IMPG1: variants seen among roughly 807,000 people sequenced by gnomAD.
IMPG1 encodes the protein interphotoreceptor matrix proteoglycan 1.
IMPG1 carries 85 observed loss-of-function variants against 92.0 expected under a neutral mutation model. That is an observed-to-expected ratio of 0.92 (90% CI 0.78 to 1.11). The LOEUF (loss-of-function observed/expected upper bound fraction) is 1.11, where lower values mean the gene tolerates loss of function less well. Ranked by LOEUF, IMPG1 falls within the 50% of genes least tolerant of loss-of-function variation. IMPG1 has a pLI of 0.00. For synonymous variants in IMPG1, 367 were observed against 334.1 expected (o/e 1.10, Z -1.08); for missense variants, 1,022 against 956.0 (o/e 1.07, Z -0.91).
intron 7 of IMPG1, among the ~76,000 whole-genome samples, chr6:76,011,823 A>G (rs990799748): frequency 7.0e-6 from 1 of 142,658 alleles, no homozygotes; most frequent in Admixed American, 7.6e-5. Context: ...CCTATGAGTG[A>G]GAATATGCGG....
chr6:75,967,385 T>C (rs956226642), intron 12 of IMPG1, among the ~76,000 whole-genome samples: 2 of 152,098 alleles, frequency 1.3e-5, no homozygotes, highest in African/African-American at 4.8e-5. Context: ...ATTAGCATTC[T>C]TATAAAAGAG....
intron 7 of IMPG1, among the ~76,000 whole-genome samples, chr6:76,014,995 AC>A (rs1359502762): frequency 6.6e-6 from 1 of 152,222 alleles, no homozygotes; most frequent in Non-Finnish European, 1.5e-5. Context: ...TGGAGCACTA[AC>A]CACTAAATTG....
intron 15 of IMPG1, among the ~76,000 whole-genome samples, chr6:75,924,764 T>G (rs1249118410): frequency 9.9e-6 from 1 of 100,796 alleles, no homozygotes; most frequent in East Asian, 2.3e-4. Context: ...ATCATATAAT[T>G]ATATATAATA....
Position 76,018,746 on chromosome 6 carries a change from T to C in IMPG1, c.779A>G (p.Gln260Arg), listed in dbSNP as rs770892828. 6.2e-7 allele frequency: 1 copy of C among 1,613,488 alleles called. No individual in the cohort carries two copies. Among genetic ancestry groups the C allele is most frequent in the Non-Finnish European group, 8.5e-7 (1 of 1,179,694 alleles). The change falls in exon 7 of 17, where the codon CAG becomes CGG. Residue 260 changes from glutamine to arginine, a missense_variant. This residue lies in a region of IMPG1 where 681 missense variants were observed against 583.6 expected (regional missense o/e 1.17). Transcript: ENST00000369950. ...ELADSQSPYY[Q>R]ELAGKSQLQM... ...AAGTTGGGACTTTCCTGCTAGCTCC[T>C]GGTAATATGGGGACTGGGAGTCAGC...
chr6:76,014,126 C>T (rs1783241230), intron 7 of IMPG1, among the ~76,000 whole-genome samples: 1 of 152,118 alleles, frequency 6.6e-6, no homozygotes, highest in Non-Finnish European at 1.5e-5. Context: ...GTCTCCTTAC[C>T]CAAAAAGGAA....
rs760355051 is a variant in IMPG1, at chr6:76,034,728, C to G, written c.361G>C (p.Gly121Arg). The change falls in exon 3 of 17, where the codon GGG becomes CGG. Residue 121 changes from glycine (G) to arginine (R), a missense_variant. Physicochemically the swap from Gly to Arg is moderately radical, Grantham distance 125. Around this residue, in one of 3 missense-constraint regions of IMPG1, gnomAD observed 681 missense variants for 583.6 expected, o/e 1.17. Transcript: ENST00000369950. ...RIFLDRIPDT[G>R]EYQDWVSICQ... ...ATGCTGACCCAGTCCTGATATTCCC[C>G]TGTGTCAGGGATGCGATCCAGAAAG... is the stretch of plus-strand genomic sequence containing the variant. 1 of 1,614,068 alleles carries G rather than the reference C, an allele frequency of 6.2e-7. No homozygotes were observed. Among genetic ancestry groups the G allele is most frequent in the Non-Finnish European group, 8.5e-7 (1 of 1,179,948 alleles).
At chr6:76,052,444 C>T (rs1481172836) in intron 1 of IMPG1, among the ~76,000 whole-genome samples, 1 of 152,162 alleles carries the variant, frequency 6.6e-6, no homozygotes, top group Non-Finnish European at 1.5e-5. Flanking sequence ...GATAATGCAG[C>T]CTCTCGAATG....
chr6:76,003,752 A>G (rs1228586968), intron 11 of IMPG1, 122 bp downstream of exon 11: 2 of 692,432 alleles, frequency 2.9e-6, no homozygotes, highest in African/African-American at 1.9e-5. Flanking sequence ...AAAAACAGAA[A>G]AGAATTTAAT....
intron 12 of IMPG1, among the ~76,000 whole-genome samples, chr6:75,974,115 C>A (rs7768845): frequency 0.079 from 11,972 of 152,156 alleles, 501 homozygotes; most frequent in South Asian, 0.11. Flanking sequence ...CTGTGAACTG[C>A]AAAGATCAAA....
intron 14 of IMPG1, among the ~76,000 whole-genome samples, chr6:75,938,295 C>T (rs1373509047): frequency 1.3e-5 from 2 of 152,140 alleles, no homozygotes; most frequent in Admixed American, 1.3e-4. Flanking sequence ...AACTAAAAAT[C>T]CCATGAGAGT....
chr6:75,960,354 A>G (rs147346859), intron 12 of IMPG1, among the ~76,000 whole-genome samples: 3 of 152,350 alleles, frequency 2.0e-5, no homozygotes, highest in African/African-American at 7.2e-5. Context: ...TTTTTGTGAC[A>G]TCTTAATATT....
chr6:75,987,556 C>T (rs112483348), intron 12 of IMPG1, among the ~76,000 whole-genome samples: 46 of 148,418 alleles, frequency 3.1e-4, no homozygotes, highest in Admixed American at 6.2e-4. Context: ...TGAGAACATG[C>T]GGTGTTTGGT....
intron 1 of IMPG1, among the ~76,000 whole-genome samples, chr6:76,059,126 A>G (rs989592779): frequency 2.0e-5 from 3 of 152,136 alleles, no homozygotes; most frequent in African/African-American, 7.2e-5. Context: ...GGTGTTTCAG[A>G]ATCTTATATC....
At chr6:76,037,861 ATAT>A (rs1220668553) in intron 2 of IMPG1, among the ~76,000 whole-genome samples, 4 of 152,204 alleles carry the variant, frequency 2.6e-5, no homozygotes, top group African/African-American at 7.2e-5. Flanking sequence ...ATCGGGGAAG[ATAT>A]TATGTGACAA....
chr6:76,065,206 T>G (rs186228957), intron 1 of IMPG1, among the ~76,000 whole-genome samples: 368 of 152,118 alleles, frequency 2.4e-3, no homozygotes, highest in Non-Finnish European at 3.9e-3. Flanking sequence ...CCCCAAAAGA[T>G]TACACTAGCT....
rs1784417763 is a variant in IMPG1 at position 76,072,479 on chromosome 6, C to T, written c.10G>A (p.Glu4Lys). 1.9e-6 allele frequency: 3 copies of T among 1,591,942 alleles called. No homozygotes were observed. Among genetic ancestry groups the T allele is most frequent in the Non-Finnish European group, 2.6e-6 (3 of 1,165,464 alleles). The change falls in exon 1 of 17, where the codon GAA becomes AAA. Residue 4 changes from glutamate to lysine, a missense_variant. Coordinates refer to ENST00000369950, the MANE Select transcript of IMPG1 (RefSeq NM_001563.4). ...AAAACAAAAATAGCTCTTCTAGTTT[C>T]CAAATACATTCTGGCTTTTGTGCAT... is the stretch of plus-strand genomic sequence containing the variant. MYLETRRAIFVFWI... is the reference protein window; with the variant it reads MYLKTRRAIFVFWI...
intron 5 of IMPG1, among the ~76,000 whole-genome samples, chr6:76,022,844 TA>T (rs1331395980): frequency 2.6e-5 from 4 of 152,174 alleles, no homozygotes; most frequent in South Asian, 2.1e-4. Flanking sequence ...AATTATTATT[TA>T]AAAAAATGCT....
rs1351056618 is a variant in IMPG1 at position 75,950,807 on chromosome 6, T to G, written c.1579A>C (p.Thr527Pro). The change falls in exon 13 of 17, where the codon ACT (threonine) becomes CCT (proline). Residue 527 changes from threonine (T) to proline (P), a missense_variant. Physicochemically the swap from Thr to Pro is conservative, Grantham distance 38. Around this residue, in one of 3 missense-constraint regions of IMPG1, gnomAD observed 332 missense variants for 346.2 expected, o/e 0.96. Transcript: ENST00000369950. ...RHLDEMDLSD[T>P]PAPSEVPELS... ...TCTGGTACCTCAGATGGGGCAGGAGTGTCAGACAGATCCATTTCATCTAGG... is the reference window on the plus strand; with the variant it reads ...TCTGGTACCTCAGATGGGGCAGGAGGGTCAGACAGATCCATTTCATCTAGG... The G allele has an allele frequency of 6.2e-7, 1 of 1,613,700 alleles. No individual in the cohort carries two copies. Among genetic ancestry groups the G allele is most frequent in the Non-Finnish European group, 8.5e-7 (1 of 1,179,892 alleles).
rs573935185 is a variant in IMPG1 at position 76,004,458 on chromosome 6, C to A, written c.1136-508G>T. ...TTTCTTGCCTATGAATTTCCCTGGC[C>A]CTTCGTCTTGTCTCAAGAGACCTTT... is the stretch of plus-strand genomic sequence containing the variant. On this transcript the variant is annotated intron_variant, in intron 10 of 16. Coordinates refer to ENST00000369950, the MANE Select transcript of IMPG1 (RefSeq NM_001563.4). Among the ~76,000 whole-genome samples, 3 of 152,212 alleles carry A rather than the reference C, an allele frequency of 2.0e-5. No individual in the cohort carries two copies. The South Asian group carries it at 6.2e-4, about 32-fold the overall frequency.
Sources: allele counts gnomAD v4.1 joint callset (sites outside exome capture counted in the v4.1 genomes callset), GRCh38; gene constraint gnomAD v4.1.1; regional missense constraint gnomAD v4.1.1; transcripts MANE v1.5; gene names NCBI Gene and HGNC (gene_info 2026-07-23, HGNC 2026-07-21).